Variants in LDLRAD4 observed in about 807,000 individuals in gnomAD.
The protein encoded by LDLRAD4 is low density lipoprotein receptor class A domain containing 4.
Under a neutral mutation model 17.0 loss-of-function variants are expected in LDLRAD4, and 5 were observed. That is an observed-to-expected ratio of 0.29 (90% CI 0.15 to 0.62). The LOEUF is 0.62. Ranked by LOEUF, LDLRAD4 falls within the 20% of genes least tolerant of loss-of-function variation. The probability of loss-of-function intolerance (pLI) is 0.84; values close to 1 mark genes in which losing one functional copy is unlikely to be tolerated. For synonymous variants in LDLRAD4, 168 were observed against 171.8 expected (o/e 0.98, Z 0.17); for missense variants, 340 against 424.7 (o/e 0.80, Z 1.75).
At chr18:13,595,320 T>C (rs2095082100) in intron 3 of LDLRAD4, among the ~76,000 whole-genome samples, 1 of 152,226 alleles carries the variant, frequency 6.6e-6, no homozygotes, top group Non-Finnish European at 1.5e-5. Flanking sequence ...GTTATTAATT[T>C]GATATCTTTC....
At position 13,643,341 on chromosome 18, in the gene LDLRAD4, C is replaced by T. The variant is rs371159546; in HGVS notation, c.337-18C>T. On this transcript the variant is annotated intron_variant, in intron 4 of 5. Transcript: ENST00000359446. The stretch of plus-strand genomic sequence containing the variant: ...TGTTTCTTGTTCCCCCCACTCTCCT[C>T]CCCTTCCCCTCCGCCAGGAAGGGTG... 2.0e-5 allele frequency: 30 copies of T among 1,466,578 alleles called. No homozygotes were observed. The highest frequency in any genetic ancestry group is 1.8e-4 in the Middle Eastern group (1 of 5,672). The allele number at this position is 1,466,578 out of a possible 1,614,324, so 90.8% of individuals were successfully genotyped here.
At chr18:13,498,326 C>G (rs1451183026) in intron 3 of LDLRAD4, among the ~76,000 whole-genome samples, 2 of 140,584 alleles carry the variant, frequency 1.4e-5, no homozygotes, top group Admixed American at 1.5e-4. Context: ...ACACGTCCTG[C>G]CGTGGACACT....
At chr18:13,249,894 G>A (rs1248389033) in intron 1 of LDLRAD4, among the ~76,000 whole-genome samples, 3 of 152,142 alleles carry the variant, frequency 2.0e-5, no homozygotes, top group African/African-American at 7.2e-5. Context: ...TTACATTTAG[G>A]TCTTTGATGC....
chr18:13,400,737 C>G (rs1182466740), intron 2 of LDLRAD4, among the ~76,000 whole-genome samples: 5 of 152,146 alleles, frequency 3.3e-5, no homozygotes, highest in South Asian at 4.1e-4. Context: ...CCAGAAGAAG[C>G]CTTGCTGTTG....
intron 1 of LDLRAD4, chr18:13,241,150 C>G (rs2042626055): frequency 6.6e-6 from 1 of 152,252 alleles, no homozygotes; most frequent in Non-Finnish European, 1.5e-5. Flanking sequence ...TGGTCTGGAA[C>G]TCCTGACCTC....
intron 3 of LDLRAD4, chr18:13,522,983 C>T (rs1031342688): frequency 6.6e-6 from 1 of 152,250 alleles, no homozygotes; most frequent in Non-Finnish European, 1.5e-5. Flanking sequence ...GTCCTTTAGC[C>T]CAGATCCAGC....
At chr18:13,296,185 G>A (rs2046262720) in intron 1 of LDLRAD4, among the ~76,000 whole-genome samples, 1 of 152,264 alleles carries the variant, frequency 6.6e-6, no homozygotes, top group African/African-American at 2.4e-5. Flanking sequence ...GGAACAGAGT[G>A]CCGTAGATGA....
intron 1 of LDLRAD4, among the ~76,000 whole-genome samples, chr18:13,305,431 T>A (rs1196143326): frequency 6.6e-6 from 1 of 152,254 alleles, no homozygotes; most frequent in Non-Finnish European, 1.5e-5. Flanking sequence ...CACTATGTGA[T>A]CCTTATCATC....
At chr18:13,336,065 G>A (rs925154052) in intron 1 of LDLRAD4, among the ~76,000 whole-genome samples, 4 of 152,154 alleles carry the variant, frequency 2.6e-5, no homozygotes, top group Non-Finnish European at 4.4e-5. Flanking sequence ...TGGCGTGTGC[G>A]GAGATCACAC....
At chr18:13,225,318 T>C (rs1282108847) in intron 1 of LDLRAD4, among the ~76,000 whole-genome samples, 1 of 152,188 alleles carries the variant, frequency 6.6e-6, no homozygotes, top group African/African-American at 2.4e-5. Flanking sequence ...TGCAAACTGG[T>C]CCACGGTATC....
At chr18:13,264,507 G>T (rs1030236663) in intron 1 of LDLRAD4, among the ~76,000 whole-genome samples, 2 of 152,260 alleles carry the variant, frequency 1.3e-5, no homozygotes, top group African/African-American at 4.8e-5. Context: ...CTAATGGGGA[G>T]TTGACTTCTC....
chr18:13,398,613 G>A lies in LDLRAD4; in HGVS notation c.40+10851G>A, dbSNP rs143913999. On this transcript the variant is annotated intron_variant, in intron 2 of 5. Transcript: ENST00000359446. The surrounding 1 kb of genome is among the most constrained non-coding windows in gnomAD (Gnocchi z 4.8). ...CAGTTTTGGCTTAAGGACAGGTTTC[G>A]AAGGAGATGGGCGGCCCCTCCCTCT... Among the ~76,000 whole-genome samples, 19 of 152,236 alleles carry A rather than the reference G, an allele frequency of 1.2e-4. No homozygotes were observed. The highest frequency in any genetic ancestry group is 4.2e-4 in the South Asian group (2 of 4,802).
intron 3 of LDLRAD4, among the ~76,000 whole-genome samples, chr18:13,587,741 C>T (rs1290365): frequency 0.41 from 62,041 of 152,046 alleles, 12,722 homozygotes; most frequent in Non-Finnish European, 0.42. Context: ...CTCCAATCTT[C>T]AGGACTGTTG....
chr18:13,250,629 C>G (rs1174938755), intron 1 of LDLRAD4, among the ~76,000 whole-genome samples: 10 of 151,886 alleles, frequency 6.6e-5, no homozygotes, highest in Admixed American at 6.6e-4. Context: ...AGTAAAAAAC[C>G]TAGAGGAAAT....
chr18:13,640,836 C>T lies in LDLRAD4; in HGVS notation c.337-2523C>T, dbSNP rs144197304. On this transcript the variant is annotated intron_variant, in intron 4 of 5. Transcript: ENST00000359446. ...CGGATAAGGCCAATGAGAGAGGGAA[C>T]GGAGAAGAGGGGCACCTGGGTTCAC... Among the ~76,000 whole-genome samples, 12 of 152,232 alleles carry T rather than the reference C, an allele frequency of 7.9e-5. No homozygotes were observed. In the East Asian group the frequency reaches 1.3e-3, roughly 17 times the overall value.
chr18:13,472,296 C>G (rs963001052), intron 3 of LDLRAD4: 2 of 152,262 alleles, frequency 1.3e-5, no homozygotes, highest in African/African-American at 4.8e-5. Context: ...GCAAATGGGA[C>G]AGCACTGGCC....
chr18:13,641,394 T>G (rs1271052332), intron 4 of LDLRAD4, among the ~76,000 whole-genome samples: 2 of 152,086 alleles, frequency 1.3e-5, no homozygotes, highest in Non-Finnish European at 2.9e-5. Flanking sequence ...TGGATAGAGA[T>G]AGATTAGAAG....
chr18:13,455,631 G>A (rs2092091494), intron 3 of LDLRAD4, among the ~76,000 whole-genome samples: 1 of 152,172 alleles, frequency 6.6e-6, no homozygotes, highest in Non-Finnish European at 1.5e-5. Flanking sequence ...ACAGGCAGAA[G>A]GTGGAGAGGG....
intron 1 of LDLRAD4, among the ~76,000 whole-genome samples, chr18:13,372,486 A>C (rs1467633375): frequency 6.6e-6 from 1 of 152,232 alleles, no homozygotes; most frequent in Non-Finnish European, 1.5e-5. Flanking sequence ...GAATGCAAGA[A>C]AAATACAGAG....
Sources: allele counts gnomAD v4.1 joint callset (sites outside exome capture counted in the v4.1 genomes callset), GRCh38; gene constraint gnomAD v4.1.1; non-coding constraint Gnocchi (gnomAD v3.1); transcripts MANE v1.5; gene names NCBI Gene and HGNC (gene_info 2026-07-23, HGNC 2026-07-21).